LARP4B: variants seen among roughly 807,000 people sequenced by gnomAD.
LARP4B encodes la-related protein 4B.
LARP4B carries 12 observed loss-of-function variants against 89.8 expected under a neutral mutation model. That is an observed-to-expected ratio of 0.13 (90% CI 0.09 to 0.22). The LOEUF (loss-of-function observed/expected upper bound fraction) is 0.22. LARP4B is among the 10% of genes least tolerant of loss of function. LARP4B has a pLI of 1.00. For missense variants in LARP4B, 757 were observed against 947.7 expected (o/e 0.80, Z 2.64); for synonymous variants, 367 against 363.3 (o/e 1.01, Z -0.12).
intron 1 of LARP4B, among the ~76,000 whole-genome samples, chr10:927,120 G>C (rs886293750): frequency 1.2e-4 from 19 of 152,102 alleles, no homozygotes; most frequent in Admixed American, 2.0e-4. Context: ...CTCCTAACCA[G>C]GGCAATGGGG....
chr10:852,161 AAAT>A (rs1834089879), intron 5 of LARP4B, among the ~76,000 whole-genome samples: 1 of 152,216 alleles, frequency 6.6e-6, no homozygotes, highest in South Asian at 2.1e-4. Context: ...TATGAGGGTG[AAAT>A]AATACGTAAC....
At chr10:975,316 G>C in the LARP4B span, among the ~76,000 whole-genome samples, 5 of 152,168 alleles carry the variant, frequency 3.3e-5, no homozygotes, top group South Asian at 4.1e-4. Context: ...TGCAGCAATA[G>C]TGACATGTTG....
the LARP4B span, chr10:986,511 C>CA: frequency 1.3e-5 from 2 of 152,234 alleles, no homozygotes; most frequent in Admixed American, 6.5e-5. Flanking sequence ...TACTCTGCCA[C>CA]AAAATCACAA....
chr10:961,371 G>C, the LARP4B span, among the ~76,000 whole-genome samples: 1 of 152,172 alleles, frequency 6.6e-6, no homozygotes, highest in African/African-American at 2.4e-5. Context: ...TGAGGCCTCG[G>C]GAAGGTCCAC....
the LARP4B span, among the ~76,000 whole-genome samples, chr10:940,310 C>T: frequency 3.9e-5 from 6 of 152,172 alleles, no homozygotes; most frequent in African/African-American, 9.7e-5. Flanking sequence ...AGCCACCATG[C>T]GCGGGCTTAA....
At chr10:815,269 G>A in intron 15 of LARP4B, 199 bp from the exon 16 acceptor site, 1 of 435,436 alleles carries the variant, frequency 2.3e-6, no homozygotes, top group Non-Finnish European at 3.9e-6. Flanking sequence ...CTCTTTCTCG[G>A]CAAATGCCCC....
At chr10:905,594 C>T (rs921596125) in intron 1 of LARP4B, among the ~76,000 whole-genome samples, 6 of 152,094 alleles carry the variant, frequency 3.9e-5, no homozygotes, top group Non-Finnish European at 8.8e-5. Context: ...CCATTATGTT[C>T]AATCCTTCCC....
At chr10:976,073 G>A in the LARP4B span, among the ~76,000 whole-genome samples, 53 of 122,542 alleles carry the variant, frequency 4.3e-4, no homozygotes, top group Non-Finnish European at 8.0e-4. Flanking sequence ...AGCCTGTCGC[G>A]TAACGTGTGG....
Position 842,988 on chromosome 10 carries a change from A to T in LARP4B, c.590T>A (p.Leu197His), listed in dbSNP as rs1452037289. The T allele has an allele frequency of 6.2e-7, 1 of 1,614,196 alleles. No homozygotes were observed. The highest frequency in any genetic ancestry group is 8.5e-7 in the Non-Finnish European group (1 of 1,179,998). Residue 197 changes from leucine to histidine, a missense_variant, in exon 7 of 18, where the codon CTC (leucine) becomes CAC (histidine). By Grantham distance (99) the Leu-to-His change is moderately conservative. Around this residue, in one of 5 missense-constraint regions of LARP4B, gnomAD observed 54 missense variants for 96.0 expected, o/e 0.56. Transcript: ENST00000316157. The stretch of plus-strand genomic sequence containing the variant: ...AGTGCTGAGCTTCTTGATGTGGTCG[A>T]GGTTAGCCACCGTTGTGATTGGCAC... ...QYVPITTVAN[L>H]DHIKKLSTDV...
intron 3 of LARP4B, chr10:869,910 T>G: frequency 3.9e-5 from 1 of 25,954 alleles, no homozygotes; most frequent in South Asian, 1.1e-3. Context: ...AAATAAATAA[T>G]AATAATAATA....
the LARP4B span, among the ~76,000 whole-genome samples, chr10:941,743 A>T: frequency 6.9e-4 from 105 of 151,362 alleles, no homozygotes; most frequent in African/African-American, 2.5e-3. Context: ...TTATTTTTTT[A>T]TTTTTTATTT....
chr10:958,541 C>T, the LARP4B span, among the ~76,000 whole-genome samples: 19 of 152,342 alleles, frequency 1.2e-4, no homozygotes, highest in African/African-American at 4.6e-4. Flanking sequence ...AGGTGTTATC[C>T]ACCCACCAGG....
At chr10:896,393 G>A (rs909385529) in intron 1 of LARP4B, among the ~76,000 whole-genome samples, 1 of 151,972 alleles carries the variant, frequency 6.6e-6, no homozygotes, top group Non-Finnish European at 1.5e-5. Flanking sequence ...ATTACCTGAG[G>A]CCAGATTTCC....
intron 7 of LARP4B, among the ~76,000 whole-genome samples, chr10:839,142 T>C (rs1011845672): frequency 1.3e-5 from 2 of 152,124 alleles, no homozygotes; most frequent in Non-Finnish European, 2.9e-5. Context: ...TCAGAGGACG[T>C]TTAGGTCAGT....
chr10:882,658 T>C (rs1379274068), intron 3 of LARP4B, among the ~76,000 whole-genome samples: 1 of 152,240 alleles, frequency 6.6e-6, no homozygotes, highest in Non-Finnish European at 1.5e-5. Flanking sequence ...CACTTTTTTG[T>C]GTTCTTTGGC....
the LARP4B span, among the ~76,000 whole-genome samples, chr10:945,369 G>A: frequency 7.0e-6 from 1 of 143,800 alleles, no homozygotes; most frequent in East Asian, 2.1e-4. Flanking sequence ...GGGTGACAGA[G>A]TGAGACTCTG....
chr10:867,880 A>AAAAC (rs1564418780), intron 3 of LARP4B, among the ~76,000 whole-genome samples: 2 of 151,092 alleles, frequency 1.3e-5, no homozygotes, highest in African/African-American at 4.9e-5. Flanking sequence ...AAAAAAAAAA[A>AAAAC]AAAAAACTCC....
At chr10:960,405 G>A in the LARP4B span, among the ~76,000 whole-genome samples, 10 of 152,010 alleles carry the variant, frequency 6.6e-5, no homozygotes, top group East Asian at 1.7e-3. Context: ...CGGGAGGGAG[G>A]CGCTGGGTAT....
chr10:909,049 C>A (rs1836582471), intron 1 of LARP4B, among the ~76,000 whole-genome samples: 1 of 152,132 alleles, frequency 6.6e-6, no homozygotes, highest in Non-Finnish European at 1.5e-5. Flanking sequence ...AATCCCAGCA[C>A]TTTGGGAGGC....
Sources: allele counts gnomAD v4.1 joint callset (sites outside exome capture counted in the v4.1 genomes callset), GRCh38; gene constraint gnomAD v4.1.1; regional missense constraint gnomAD v4.1.1; transcripts MANE v1.5; gene names NCBI Gene and HGNC (gene_info 2026-07-23, HGNC 2026-07-21).